The following PLCG2 variants were observed in gnomAD, a reference collection of about 807,000 sequenced individuals.
PLCG2 encodes phospholipase C gamma 2.
In PLCG2, 69 loss-of-function variants were observed where a neutral mutation model predicts 175.6. That is an observed-to-expected ratio of 0.39 (90% CI 0.32 to 0.48). The LOEUF is 0.48. PLCG2 is among the 20% of genes least tolerant of loss of function. The pLI, the probability that PLCG2 is intolerant of heterozygous loss-of-function variation, is 0.91. For synonymous variants in PLCG2, 827 were observed against 624.0 expected, an observed-to-expected ratio of 1.33 and a Z score of -4.85; for missense variants, 1,798 against 1,650.9, an observed-to-expected ratio of 1.09 and a Z score of -1.54.
intron 11 of PLCG2, 56 bp from the exon 12 acceptor site, chr16:81,893,652 GC>G: frequency 9.7e-6 from 10 of 1,031,526 alleles, no homozygotes; most frequent in Non-Finnish European, 1.4e-5. Flanking sequence ...GTGCAGGCTT[GC>G]CCCCCAACCC....
chr16:81,773,068 A>G (rs1353780985), intron 2 of PLCG2, among the ~76,000 whole-genome samples: 1 of 152,166 alleles, frequency 6.6e-6, no homozygotes, highest in Non-Finnish European at 1.5e-5. Context: ...ATATACTGCC[A>G]AATGTGGAAA....
upstream of PLCG2, among the ~76,000 whole-genome samples, chr16:81,778,016 C>T (rs1472642945): frequency 4.1e-5 from 2 of 49,076 alleles, no homozygotes; most frequent in Non-Finnish European, 7.1e-5. Context: ...GACTTTGTCT[C>T]AAAAAAAAAA....
At chr16:81,792,231 C>T (rs529537692) in intron 2 of PLCG2, among the ~76,000 whole-genome samples, 1 of 151,930 alleles carries the variant, frequency 6.6e-6, no homozygotes, top group African/African-American at 2.4e-5. Context: ...CCTGTAATCC[C>T]AGGACTTTGG....
intron 2 of PLCG2, among the ~76,000 whole-genome samples, chr16:81,845,499 G>A (rs1229013873): frequency 6.6e-6 from 1 of 152,232 alleles, no homozygotes; most frequent in East Asian, 1.9e-4. Context: ...AAAGCTATCT[G>A]CTATAAGCTG....
chr16:81,930,747 C>CAAAA (rs34004978), intron 24 of PLCG2, among the ~76,000 whole-genome samples: 11,857 of 125,384 alleles, frequency 0.095, 647 homozygotes, highest in Middle Eastern at 0.13. Flanking sequence ...CACCCTGTCT[C>CAAAA]AAAAAAAAAA....
At chr16:81,805,286 T>C (rs1416798416) in intron 2 of PLCG2, among the ~76,000 whole-genome samples, 2 of 151,014 alleles carry the variant, frequency 1.3e-5, no homozygotes, top group African/African-American at 2.4e-5. Context: ...GATCACAAGG[T>C]CAGGAGATCG....
chr16:81,824,946 G>A (rs1487084449), intron 2 of PLCG2, among the ~76,000 whole-genome samples: 1 of 152,192 alleles, frequency 6.6e-6, no homozygotes, highest in African/African-American at 2.4e-5. Context: ...GAAGGTAGGA[G>A]GTCACAGTCA....
chr16:81,776,083 C>CTTTCTTTCTTTCTTCCTTTCTT, upstream of PLCG2, among the ~76,000 whole-genome samples: 2 of 81,848 alleles, frequency 2.4e-5, 1 homozygote, highest in African/African-American at 8.7e-5. Flanking sequence ...TTCTCTCTCT[C>CTTTCTTTCTTTCTTCCTTTCTT]TCTCTCTTTC....
chr16:81,796,873 A>C (rs1303609740), intron 2 of PLCG2, among the ~76,000 whole-genome samples: 1 of 152,126 alleles, frequency 6.6e-6, no homozygotes, highest in African/African-American at 2.4e-5. Context: ...TCGGCCATCC[A>C]ATTTTTGGTA....
chr16:81,801,420 A>T (rs902440492), intron 2 of PLCG2, among the ~76,000 whole-genome samples: 6 of 152,142 alleles, frequency 3.9e-5, no homozygotes, highest in African/African-American at 4.8e-5. Flanking sequence ...AGCAACTTGC[A>T]TGTTTTTGCT....
chr16:81,758,411 A>G (rs1340547738), intron 2 of PLCG2, among the ~76,000 whole-genome samples: 1 of 152,186 alleles, frequency 6.6e-6, no homozygotes, highest in Non-Finnish European at 1.5e-5. Flanking sequence ...GTTGACGGAC[A>G]TTTGGGTTGC....
intron 2 of PLCG2, among the ~76,000 whole-genome samples, chr16:81,821,631 C>T (rs1404031422): frequency 6.6e-6 from 1 of 152,086 alleles, no homozygotes; most frequent in East Asian, 1.9e-4. Flanking sequence ...TCTTGCTGGG[C>T]TGACCAACCC....
At chr16:81,779,649 G>C (rs1910640472) in intron 1 of PLCG2, among the ~76,000 whole-genome samples, 1 of 152,080 alleles carries the variant, frequency 6.6e-6, no homozygotes, top group African/African-American at 2.4e-5. Flanking sequence ...ACCCCGGGCC[G>C]GCGCCACCTC....
intron 5 of PLCG2, among the ~76,000 whole-genome samples, chr16:81,865,281 C>T (rs1016207548): frequency 3.3e-5 from 5 of 152,086 alleles, no homozygotes; most frequent in African/African-American, 7.2e-5. Context: ...GAAGCTGAGC[C>T]GTTGGCTTCC....
intron 28 of PLCG2, 135 bp from the exon 29 acceptor site, chr16:81,938,666 T>C (rs562467348): frequency 3.4e-5 from 21 of 611,462 alleles, no homozygotes; most frequent in Middle Eastern, 4.4e-4. Flanking sequence ...TTGCTCCGGC[T>C]TTTCCAGTGA....
At chr16:81,945,293 G>C (rs1382211443) in intron 30 of PLCG2, among the ~76,000 whole-genome samples, 1 of 152,226 alleles carries the variant, frequency 6.6e-6, no homozygotes, top group Non-Finnish European at 1.5e-5. Context: ...ATTACTTGGA[G>C]AATCAGTAGA....
chr16:81,875,568 A>G (rs1597367643), intron 7 of PLCG2, among the ~76,000 whole-genome samples: 1 of 152,076 alleles, frequency 6.6e-6, no homozygotes, highest in Non-Finnish European at 1.5e-5. Context: ...AGCCATTATC[A>G]CCTTGTCACT....
In PLCG2 at chr16:81,956,147, G is replaced by A. The variant is rs528238595; in HGVS notation, c.3571-548G>A. Among the ~76,000 whole-genome samples, 10 of 152,262 alleles carry A rather than the reference G, an allele frequency of 6.6e-5. No individual in the cohort carries two copies. In the South Asian group the frequency reaches 1.2e-3, roughly 19 times the overall value. Reference sequence around the variant, plus strand: ...CTGGACACTTCATATAAATGGCATCGTGTGATTTGTGATCTTTTAGAGTTG... The same window carrying A: ...CTGGACACTTCATATAAATGGCATCATGTGATTTGTGATCTTTTAGAGTTG... On this transcript the variant is annotated intron_variant, in intron 31 of 32. Coordinates refer to ENST00000564138, the MANE Select transcript of PLCG2 (RefSeq NM_002661.5).
upstream of PLCG2, among the ~76,000 whole-genome samples, chr16:81,774,868 C>T (rs891497106): frequency 1.3e-5 from 2 of 151,924 alleles, no homozygotes; most frequent in South Asian, 4.2e-4. Flanking sequence ...CCTCAGCTTC[C>T]CGAGTAGCTG....
Sources: allele counts gnomAD v4.1 joint callset (sites outside exome capture counted in the v4.1 genomes callset), GRCh38; gene constraint gnomAD v4.1.1; transcripts MANE v1.5; gene names NCBI Gene and HGNC (gene_info 2026-07-23, HGNC 2026-07-21).